The following C5orf63 variants were observed in gnomAD, a reference collection of about 807,000 sequenced individuals.
C5orf63 encodes the protein chromosome 5 open reading frame 63.
In C5orf63, 18 loss-of-function variants were observed where a neutral mutation model predicts 13.3. The ratio of observed to expected loss-of-function variants is 1.36; its 90% CI spans 0.94 to 2.01. The LOEUF is 2.01. Among genes scored for constraint, C5orf63 ranks in the 30% most tolerant of loss-of-function variants. C5orf63 has a pLI of 0.00. For synonymous variants in C5orf63, 38 were observed against 44.7 expected, an observed-to-expected ratio of 0.85 and a Z score of 0.60; for missense variants, 118 against 127.7, an observed-to-expected ratio of 0.92 and a Z score of 0.36.
intron 3 of C5orf63, among the ~76,000 whole-genome samples, chr5:127,058,463 T>C (rs1753970339): frequency 6.6e-6 from 1 of 152,218 alleles, no homozygotes; most frequent in African/African-American, 2.4e-5. Flanking sequence ...GTTCTGTATT[T>C]GGTAGGCTGA....
At chr5:127,059,106 A>G in intron 2 of C5orf63, 104 bp from the exon 3 acceptor site, 1 of 751,962 alleles carries the variant, frequency 1.3e-6, no homozygotes, top group Non-Finnish European at 2.2e-6. Flanking sequence ...CGGGCTTCAG[A>G]ATTGTTTCTT....
chr5:127,070,421 T>A (rs1202613020), intron 2 of C5orf63, among the ~76,000 whole-genome samples: 1 of 152,200 alleles, frequency 6.6e-6, no homozygotes, highest in African/African-American at 2.4e-5. Flanking sequence ...ATTCATTTGT[T>A]TCCAGTTGTA....
downstream of C5orf63, chr5:127,047,438 C>T: frequency 7.0e-6 from 3 of 431,278 alleles, no homozygotes; most frequent in Non-Finnish European, 1.2e-5. Context: ...TTGTAGGTAT[C>T]TACCTTTCAT....
At chr5:127,047,911 G>C (rs1012737090), downstream of C5orf63, 43 of 685,544 alleles carry the variant, frequency 6.3e-5, no homozygotes, top group Non-Finnish European at 1.0e-4. Flanking sequence ...ATCCTTGTAG[G>C]GTTGCTATGG....
At chr5:127,045,581 G>A (rs1261762639) in exon 5 of C5orf63, 1 of 152,136 alleles carries the variant, frequency 6.6e-6, no homozygotes, top group Non-Finnish European at 1.5e-5. Context: ...AGTCCTTTAT[G>A]CATATAAGTG....
chr5:127,057,423 T>C (rs1269817676), intron 3 of C5orf63, among the ~76,000 whole-genome samples: 2 of 152,232 alleles, frequency 1.3e-5, no homozygotes, highest in Non-Finnish European at 2.9e-5. Flanking sequence ...CAAAGTGATG[T>C]TAATTAGCAA....
chr5:127,059,349 A>G (rs1288770500), intron 2 of C5orf63, among the ~76,000 whole-genome samples: 2 of 151,994 alleles, frequency 1.3e-5, no homozygotes, highest in African/African-American at 4.8e-5. Context: ...TAAAATATGG[A>G]GGTTTCCTGA....
At chr5:127,070,250 G>C (rs1754486897) in intron 2 of C5orf63, among the ~76,000 whole-genome samples, 1 of 152,030 alleles carries the variant, frequency 6.6e-6, no homozygotes, top group Non-Finnish European at 1.5e-5. Context: ...TTAAATAATA[G>C]AATCATTTTT....
chr5:127,048,406 C>T (rs546474128), downstream of C5orf63, among the ~76,000 whole-genome samples: 57 of 152,198 alleles, frequency 3.7e-4, 1 homozygote, highest in African/African-American at 1.3e-3. Flanking sequence ...AGAGTTAGAC[C>T]GCTATGTTCT....
intron 2 of C5orf63, among the ~76,000 whole-genome samples, chr5:127,059,925 G>A (rs61697996): frequency 0.1 from 15,566 of 151,798 alleles, 1,291 homozygotes; most frequent in African/African-American, 0.23. Context: ...GCATCACCTG[G>A]GGTCGGGAGT....
rs115151284 is a variant in C5orf63 at position 127,059,120 on chromosome 5, G to A, written c.-7-118C>T. 3,684 of 681,018 alleles carry A rather than the reference G, an allele frequency of 5.4e-3. 89 individuals carry two copies. The African/African-American group carries it at 0.059, about 11-fold the overall frequency. The allele number at this position is 681,018 out of a possible 1,614,324, so 42.2% of individuals were successfully genotyped here. A position where few individuals can be genotyped will look rare whatever the true frequency, so the allele number is the denominator to read the frequency against. ...GCGGGCTTCAGAATTGTTTCTTCAA[G>A]TCCAGGAGTGTTGGAAAGACCTATA... On this transcript the variant is annotated intron_variant, in intron 2 of 4. Coordinates refer to ENST00000296662, the MANE Select transcript of C5orf63 (RefSeq NM_001164478.2).
intron 2 of C5orf63, among the ~76,000 whole-genome samples, chr5:127,060,835 C>G (rs1754076113): frequency 1.3e-5 from 2 of 152,200 alleles, no homozygotes; most frequent in Non-Finnish European, 2.9e-5. Context: ...CCCAACACTC[C>G]CCACCCTCAC....
At chr5:127,072,638 A>AT (rs142101827) in intron 1 of C5orf63, among the ~76,000 whole-genome samples, 4,134 of 149,686 alleles carry the variant, frequency 0.028, 101 homozygotes, top group African/African-American at 0.063. Context: ...CATACTATGG[A>AT]TTTTTTTTTT....
At chr5:127,057,605 C>G (rs58754116) in intron 3 of C5orf63, among the ~76,000 whole-genome samples, 2 of 152,130 alleles carry the variant, frequency 1.3e-5, no homozygotes, top group African/African-American at 4.8e-5. Flanking sequence ...CTAAAACTTC[C>G]TTGCAACCCC....
At chr5:127,047,872 C>T (rs750575443), downstream of C5orf63, 24 of 702,952 alleles carry the variant, frequency 3.4e-5, no homozygotes, top group South Asian at 3.0e-4. Flanking sequence ...GGAAGGGGAG[C>T]GTCTTCTCCT....
downstream of C5orf63, chr5:127,043,102 A>G (rs1335549667): frequency 2.0e-5 from 3 of 152,242 alleles, no homozygotes; most frequent in Non-Finnish European, 4.4e-5. Flanking sequence ...TGTACAGGTC[A>G]TAAAACATCA....
At chr5:127,049,018 T>C (rs188898085), downstream of C5orf63, among the ~76,000 whole-genome samples, 91 of 152,264 alleles carry the variant, frequency 6.0e-4, 2 homozygotes, top group Admixed American at 1.9e-3. Flanking sequence ...AGTGGAGGAC[T>C]TTGTCTGTGG....
intron 3 of C5orf63, among the ~76,000 whole-genome samples, chr5:127,055,781 A>C (rs560758464): frequency 1.3e-5 from 2 of 152,306 alleles, no homozygotes; most frequent in Admixed American, 1.3e-4. Context: ...ATTGTGCTAA[A>C]ATTTTGCTTT....
At position 127,051,719 on chromosome 5, in the gene C5orf63, C is replaced by A; in HGVS notation, c.*52G>T. 6.9e-7 allele frequency: 1 copy of A among 1,445,662 alleles called. No individual in the cohort carries two copies. The highest frequency in any genetic ancestry group is 9.1e-7 in the Non-Finnish European group (1 of 1,103,588). The allele number at this position is 1,445,662 out of a possible 1,614,324, so 89.6% of individuals were successfully genotyped here. A position where few individuals can be genotyped will look rare whatever the true frequency, so the allele number is the denominator to read the frequency against. On this transcript the variant is annotated 3_prime_UTR_variant, in exon 5 of 5. Coordinates refer to ENST00000296662, the MANE Select transcript of C5orf63 (RefSeq NM_001164478.2). ...ATGAGTATCAGGCCATGGTCATTTC[C>A]TTAGGAAGATGCTTTATGGGAAGAG... is the stretch of plus-strand genomic sequence containing the variant.
Sources: allele counts gnomAD v4.1 joint callset (sites outside exome capture counted in the v4.1 genomes callset), GRCh38; gene constraint gnomAD v4.1.1; transcripts MANE v1.5; gene names NCBI Gene and HGNC (gene_info 2026-07-23, HGNC 2026-07-21).